The following CAMK4 variants were observed in gnomAD, a reference collection of about 807,000 sequenced individuals.
CAMK4 encodes the protein calcium/calmodulin-dependent protein kinase type IV.
CAMK4 carries 22 observed loss-of-function variants against 44.9 expected under a neutral mutation model. The observed-to-expected ratio is 0.49, with a 90% CI of 0.35 to 0.70. CAMK4 has a LOEUF of 0.70. Among genes scored for constraint, CAMK4 ranks in the 30% least tolerant of loss-of-function variants. CAMK4 has a pLI of 0.01. For synonymous variants in CAMK4, 218 were observed against 215.4 expected, an observed-to-expected ratio of 1.01 and a Z score of -0.11; for missense variants, 498 against 586.8, an observed-to-expected ratio of 0.85 and a Z score of 1.56.
At chr5:111,476,310 T>C (rs1755240838) in intron 8 of CAMK4, among the ~76,000 whole-genome samples, 1 of 151,104 alleles carries the variant, frequency 6.6e-6, no homozygotes, top group South Asian at 2.1e-4. Flanking sequence ...GATGAAGTCT[T>C]GCTCTGTCTC....
At chr5:111,228,167 A>G (rs10077974) in intron 1 of CAMK4, among the ~76,000 whole-genome samples, 9,041 of 152,336 alleles carry the variant, frequency 0.059, 348 homozygotes, top group Middle Eastern at 0.1. Context: ...TAAGAAAACC[A>G]GATGTATTCC....
At chr5:111,375,610 A>C (rs1751185482) in intron 3 of CAMK4, among the ~76,000 whole-genome samples, 1 of 152,186 alleles carries the variant, frequency 6.6e-6, no homozygotes, top group East Asian at 1.9e-4. Flanking sequence ...AAAGTGCTCA[A>C]AACTTAACAT....
chr5:111,348,442 A>C (rs1749955534), intron 2 of CAMK4, among the ~76,000 whole-genome samples: 1 of 152,056 alleles, frequency 6.6e-6, no homozygotes, highest in African/African-American at 2.4e-5. Context: ...TACTATGGAT[A>C]GTAAAATATC....
intron 1 of CAMK4, among the ~76,000 whole-genome samples, chr5:111,246,769 A>G (rs1201181966): frequency 6.6e-6 from 1 of 152,214 alleles, no homozygotes; most frequent in African/African-American, 2.4e-5. Context: ...CAAACCAGAG[A>G]CAGCAGGGAT....
At chr5:111,243,659 G>T (rs1273389325) in intron 1 of CAMK4, among the ~76,000 whole-genome samples, 2 of 152,224 alleles carry the variant, frequency 1.3e-5, no homozygotes, top group African/African-American at 4.8e-5. Flanking sequence ...CTTGTTTTTT[G>T]TCTGTTTGTT....
chr5:111,412,915 G>A lies in CAMK4; in HGVS notation c.459+18133G>A, dbSNP rs1580718977. Among the ~76,000 whole-genome samples, 3 of 152,224 alleles carry A rather than the reference G, an allele frequency of 2.0e-5. No individual in the cohort carries two copies. The South Asian group carries it at 6.2e-4, about 32-fold the overall frequency. On this transcript the variant is annotated intron_variant, in intron 5 of 10. Transcript: ENST00000282356. ...CTTAATTTATATGTAATTAAAAGTG[G>A]GTAAAAGTATGACTGCAGAATTGCC...
chr5:111,401,169 C>T (rs1752209901), intron 5 of CAMK4, among the ~76,000 whole-genome samples: 2 of 152,098 alleles, frequency 1.3e-5, no homozygotes, highest in Admixed American at 6.6e-5. Context: ...GACAGAGTCT[C>T]GCTCTGTCGC....
intron 5 of CAMK4, among the ~76,000 whole-genome samples, chr5:111,399,684 A>G (rs796981210): frequency 6.6e-6 from 1 of 152,188 alleles, no homozygotes; most frequent in Non-Finnish European, 1.5e-5. Flanking sequence ...TTATTTTTCT[A>G]CTAATTTCAT....
At chr5:111,228,730 A>T (rs1050269955) in intron 1 of CAMK4, among the ~76,000 whole-genome samples, 5 of 152,208 alleles carry the variant, frequency 3.3e-5, no homozygotes, top group Non-Finnish European at 7.3e-5. Context: ...TGTAGGCCAT[A>T]AATCTGTGTG....
intron 5 of CAMK4, among the ~76,000 whole-genome samples, chr5:111,427,616 G>C (rs552871416): frequency 1.3e-5 from 2 of 152,224 alleles, no homozygotes; most frequent in Non-Finnish European, 2.9e-5. Context: ...GGCATTCCTC[G>C]TGGCCTGAGG....
At chr5:111,411,709 A>G (rs557855377) in intron 5 of CAMK4, among the ~76,000 whole-genome samples, 2 of 152,368 alleles carry the variant, frequency 1.3e-5, no homozygotes, top group African/African-American at 4.8e-5. Flanking sequence ...TGATGATCAC[A>G]AAGAAGAATC....
chr5:111,317,568 A>G (rs962352249), intron 1 of CAMK4, among the ~76,000 whole-genome samples: 15 of 152,280 alleles, frequency 9.9e-5, no homozygotes, highest in African/African-American at 3.4e-4. Context: ...TTCAGACCCT[A>G]CAAAGAGTTT....
chr5:111,376,762 T>TA, intron 3 of CAMK4, 98 bp from the exon 4 acceptor site: 1 of 619,152 alleles, frequency 1.6e-6, no homozygotes, highest in South Asian at 2.5e-5. Context: ...TCCAACATAT[T>TA]ACTACTGCAG....
At chr5:111,404,109 T>C (rs542220901) in intron 5 of CAMK4, among the ~76,000 whole-genome samples, 3 of 152,282 alleles carry the variant, frequency 2.0e-5, no homozygotes, top group African/African-American at 4.8e-5. Context: ...GAATTTTATG[T>C]TGAATGGGTT....
intron 5 of CAMK4, among the ~76,000 whole-genome samples, chr5:111,402,681 G>A (rs1171552213): frequency 6.6e-6 from 1 of 152,132 alleles, no homozygotes; most frequent in Non-Finnish European, 1.5e-5. Flanking sequence ...ACCTGACTGT[G>A]CCCAGTGAGT....
rs536232934 is a variant in CAMK4 at position 111,353,403 on chromosome 5, T to A, written c.240+9301T>A. 6.6e-5 allele frequency among the ~76,000 whole-genome samples: 10 copies of A among 152,150 alleles called. No individual in the cohort carries two copies. In the South Asian group the frequency reaches 2.1e-3, roughly 32 times the overall value. ...CAAGTGAAAACTACATATATTAATA[T>A]GTGACTGCTTGAGGTCCTTGCTATA... is the stretch of plus-strand genomic sequence containing the variant. On this transcript the variant is annotated intron_variant, in intron 2 of 10. Transcript: ENST00000282356.
chr5:111,484,770 T>C lies in CAMK4; in HGVS notation c.*304T>C, dbSNP rs956091090. 4.4e-6 allele frequency: 1 copy of C among 229,090 alleles called. No homozygotes were observed. The highest frequency in any genetic ancestry group is 2.3e-5 in the African/African-American group (1 of 44,436). The allele number at this position is 229,090 out of a possible 1,614,324, so 14.2% of individuals were successfully genotyped here. ...AGTGGCACATATTTGAAGTGAATAGTAGCAAATTGTTTTTGCTTTGAAAAT... is the reference window on the plus strand; with the variant it reads ...AGTGGCACATATTTGAAGTGAATAGCAGCAAATTGTTTTTGCTTTGAAAAT... On this transcript the variant is annotated 3_prime_UTR_variant, in exon 11 of 11. Coordinates refer to ENST00000282356, the MANE Select transcript of CAMK4 (RefSeq NM_001744.6). The surrounding 1 kb of genome is among the most constrained non-coding windows in gnomAD (Gnocchi z 5.3).
chr5:111,315,565 G>A (rs554722350), intron 1 of CAMK4, among the ~76,000 whole-genome samples: 64 of 152,142 alleles, frequency 4.2e-4, no homozygotes, highest in South Asian at 3.7e-3. Context: ...TAATCATCAC[G>A]ACAATCTTAG....
At chr5:111,370,722 C>G (rs917632907) in intron 2 of CAMK4, among the ~76,000 whole-genome samples, 3 of 152,076 alleles carry the variant, frequency 2.0e-5, no homozygotes, top group African/African-American at 7.2e-5. Flanking sequence ...AGAGACCATC[C>G]TGGCCAACAT....
Sources: allele counts gnomAD v4.1 joint callset (sites outside exome capture counted in the v4.1 genomes callset), GRCh38; gene constraint gnomAD v4.1.1; non-coding constraint Gnocchi (gnomAD v3.1); transcripts MANE v1.5; gene names NCBI Gene and HGNC (gene_info 2026-07-23, HGNC 2026-07-21).